The following ARHGEF19 variants were observed in gnomAD, a reference collection of about 807,000 sequenced individuals.
The protein encoded by ARHGEF19 is Rho guanine nucleotide exchange factor (GEF) 19.
Under a neutral mutation model 87.6 loss-of-function variants are expected in ARHGEF19, and 92 were observed. That is an observed-to-expected ratio of 1.05 (90% CI 0.89 to 1.25). The LOEUF is 1.25. ARHGEF19 is among the 50% of genes most tolerant of loss of function. ARHGEF19 has a pLI of 0.00. For missense variants in ARHGEF19, 1,054 were observed against 1,051.8 expected, an observed-to-expected ratio of 1.00 and a Z score of -0.03; for synonymous variants, 438 against 446.2, an observed-to-expected ratio of 0.98 and a Z score of 0.23.
At position 16,207,734 on chromosome 1, in the gene ARHGEF19, C is replaced by T; in HGVS notation, c.738G>A (p.Gly246=). The T allele has an allele frequency of 6.2e-7, 1 of 1,613,998 alleles. No homozygotes were observed. Among genetic ancestry groups the T allele is most frequent in the Middle Eastern group, 1.7e-4 (1 of 6,060 alleles). The change falls in exon 4 of 16, where the codon GGG becomes GGA. Residue 246 remains glycine, a synonymous_variant. Coordinates refer to ENST00000270747, the MANE Select transcript of ARHGEF19 (RefSeq NM_153213.5). This position sits in a 1 kb window ranked among gnomAD's most constrained non-coding sequence, Gnocchi z 4.0. The part of the protein sequence containing the change: ...GMEARSVEMS[G]DRVSRPAPGD... Reference sequence around the variant, plus strand: ...CAGGGGCTGGCCGCGACACCCGGTCCCCGCTCATCTCTACACTTCGAGCCT... The same window carrying T: ...CAGGGGCTGGCCGCGACACCCGGTCTCCGCTCATCTCTACACTTCGAGCCT...
At chr1:16,210,399 C>T (rs1333871090) in intron 1 of ARHGEF19, among the ~76,000 whole-genome samples, 1 of 152,194 alleles carries the variant, frequency 6.6e-6, no homozygotes, top group Non-Finnish European at 1.5e-5. Flanking sequence ...CAGTGCCCAG[C>T]CTGGCAGGAC....
At chr1:16,210,489 C>T (rs903549264) in intron 1 of ARHGEF19, among the ~76,000 whole-genome samples, 1 of 152,144 alleles carries the variant, frequency 6.6e-6, no homozygotes, top group African/African-American at 2.4e-5. Context: ...AACCAAGACC[C>T]CAAGACGTTC....
rs1049388702 is a variant in ARHGEF19, at chr1:16,207,496, C to T, written c.874+26G>A. The T allele has an allele frequency of 3.1e-6, 5 of 1,612,256 alleles. No individual in the cohort carries two copies. The highest frequency in any genetic ancestry group is 4.2e-6 in the Non-Finnish European group (5 of 1,178,758). On this transcript the variant is annotated intron_variant, in intron 5 of 15. Transcript: ENST00000270747. This position sits in a 1 kb window ranked among gnomAD's most constrained non-coding sequence, Gnocchi z 4.0. ...CCGCAGCCCCTTCCTCCGTTACCTC[C>T]TCCCAGGGACCCCCCTCCCACGTAC...
At position 16,206,942 on chromosome 1, in the gene ARHGEF19, G is replaced by A; in HGVS notation, c.1137+6C>T. The A allele has an allele frequency of 6.9e-7, 1 of 1,449,182 alleles. No homozygotes were observed. The highest frequency in any genetic ancestry group is 2.8e-5 in the Admixed American group (1 of 36,258). The allele number at this position is 1,449,182 out of a possible 1,614,324, so 89.8% of individuals were successfully genotyped here. A position where few individuals can be genotyped will look rare whatever the true frequency, so the allele number is the denominator to read the frequency against. ...CCCGCCCCGCCGGGTCCCCGCGCGCGCCCACCTCCTGCAGCTTGCAGTCCC... is the reference window on the plus strand; with the variant it reads ...CCCGCCCCGCCGGGTCCCCGCGCGCACCCACCTCCTGCAGCTTGCAGTCCC... On this transcript the variant is annotated splice_donor_region_variant and intron_variant, in intron 6 of 15. Coordinates refer to ENST00000270747, the MANE Select transcript of ARHGEF19 (RefSeq NM_153213.5). The surrounding 1 kb of genome is among the most constrained non-coding windows in gnomAD (Gnocchi z 4.6).
At chr1:16,199,787 C>T (rs1372107497) in intron 14 of ARHGEF19, among the ~76,000 whole-genome samples, 2 of 152,056 alleles carry the variant, frequency 1.3e-5, no homozygotes, top group Non-Finnish European at 2.9e-5. Context: ...GGTCTGGCAT[C>T]GCCCCCTGCT....
chr1:16,208,025 GC>G lies in ARHGEF19; in HGVS notation c.612del (p.Leu205CysfsTer38). ...CGCCCCAGGCGCAGAGAAGAGTGCA[GC>G]CGGGTCATCAGCTCCGATGCCGAGA... ...RRFSASELMT[R>X]LHSSLRLGRN... On this transcript the variant is annotated frameshift_variant, in exon 3 of 16. Coordinates refer to ENST00000270747, the MANE Select transcript of ARHGEF19 (RefSeq NM_153213.5). LOFTEE classifies it high-confidence loss of function. 6.2e-7 allele frequency: 1 copy of G among 1,613,588 alleles called. No individual in the cohort carries two copies. Among genetic ancestry groups the G allele is most frequent in the Non-Finnish European group, 8.5e-7 (1 of 1,180,012 alleles).
At chr1:16,212,248 C>T (rs1348306173) in intron 1 of ARHGEF19, among the ~76,000 whole-genome samples, 2 of 152,178 alleles carry the variant, frequency 1.3e-5, no homozygotes, top group Non-Finnish European at 2.9e-5. Context: ...TCCCTGCCCC[C>T]TCCCGGGTGC....
In ARHGEF19 at chr1:16,206,904, T is replaced by C. The variant is rs1414201752; in HGVS notation, c.1137+44A>G. ...CCCGCTAAGTCCCCGGACCGCGTACTCCCCGGCCCGCCCCCGCCCCGCCGG... is the reference window on the plus strand; with the variant it reads ...CCCGCTAAGTCCCCGGACCGCGTACCCCCCGGCCCGCCCCCGCCCCGCCGG... On this transcript the variant is annotated intron_variant, in intron 6 of 15. Coordinates refer to ENST00000270747, the MANE Select transcript of ARHGEF19 (RefSeq NM_153213.5). This position sits in a 1 kb window ranked among gnomAD's most constrained non-coding sequence, Gnocchi z 4.6. The C allele has an allele frequency of 8.5e-6, 12 of 1,406,742 alleles. No individual in the cohort carries two copies. The highest frequency in any genetic ancestry group is 1.0e-5 in the Non-Finnish European group (11 of 1,090,794). 87.1% of individuals were successfully genotyped at this position (1,406,742 alleles called of 1,614,324 possible).
At chr1:16,210,995 T>C (rs1569723449) in intron 1 of ARHGEF19, among the ~76,000 whole-genome samples, 3 of 151,632 alleles carry the variant, frequency 2.0e-5, no homozygotes, top group African/African-American at 4.9e-5. Context: ...TCTGGGAGGG[T>C]GGGAAGAAGG....
chr1:16,207,889 C>T lies in ARHGEF19; in HGVS notation c.694+55G>A. On this transcript the variant is annotated intron_variant, in intron 3 of 15. Coordinates refer to ENST00000270747, the MANE Select transcript of ARHGEF19 (RefSeq NM_153213.5). This position sits in a 1 kb window ranked among gnomAD's most constrained non-coding sequence, Gnocchi z 4.0. ...CGGCCGGTGAGTGGGCATCGCCCAC[C>T]CCCACCCCCACCCGGCATCTGGCTG... 1 of 1,452,140 alleles carries T rather than the reference C, an allele frequency of 6.9e-7. No homozygotes were observed. Among genetic ancestry groups the T allele is most frequent in the Non-Finnish European group, 9.5e-7 (1 of 1,052,978 alleles). 90.0% of individuals were successfully genotyped at this position (1,452,140 alleles called of 1,614,324 possible). A position where few individuals can be genotyped will look rare whatever the true frequency, so the allele number is the denominator to read the frequency against.
Position 16,207,081 on chromosome 1 carries a change from AG to A in ARHGEF19, c.1003del (p.Leu335SerfsTer36). The A allele has an allele frequency of 2.7e-6, 4 of 1,507,262 alleles. No individual in the cohort carries two copies. Among genetic ancestry groups the A allele is most frequent in the Non-Finnish European group, 3.5e-6 (4 of 1,130,628 alleles). The allele number at this position is 1,507,262 out of a possible 1,614,324, so 93.4% of individuals were successfully genotyped here. ...CGCCCGGAAGGAGCTGCTGGGGGAG[AG>A]GTTGGCCCGCGGCGGCCCCGGCCCC... is the stretch of plus-strand genomic sequence containing the variant. ...EEGPGPPRAN[L>X]SPSSSFRAQR... On this transcript the variant is annotated frameshift_variant, in exon 6 of 16. Transcript: ENST00000270747. LOFTEE classifies it high-confidence loss of function. The surrounding 1 kb of genome is among the most constrained non-coding windows in gnomAD (Gnocchi z 4.0).
At position 16,207,474 on chromosome 1, in the gene ARHGEF19, C is replaced by T. The variant is rs777917843; in HGVS notation, c.874+48G>A. ...CCCTCTTTTCCCCGTTTCCACACCG[C>T]AGCCCCTTCCTCCGTTACCTCCTCC... On this transcript the variant is annotated intron_variant, in intron 5 of 15. Transcript: ENST00000270747. This position sits in a 1 kb window ranked among gnomAD's most constrained non-coding sequence, Gnocchi z 4.0. The T allele has an allele frequency of 8.1e-6, 13 of 1,605,380 alleles. No homozygotes were observed. In the Admixed American group the frequency reaches 1.2e-4, roughly 14 times the overall value.
intron 2 of ARHGEF19, 134 bp downstream of exon 2, chr1:16,208,509 G>GT: frequency 1.6e-6 from 2 of 1,245,976 alleles, no homozygotes; most frequent in Non-Finnish European, 2.2e-6. Flanking sequence ...AGCCCCACTA[G>GT]TTTCCTTATC....
rs181467047 is a variant in ARHGEF19, at chr1:16,202,043, C to A, written c.2067-182G>T. On this transcript the variant is annotated intron_variant, in intron 13 of 15. Transcript: ENST00000270747. ...CACAACCCGGTTCCCAAGCCTGTGC[C>A]CCACCCAGCTCTGAGCATAACAGGC... 2.0e-3 allele frequency among the ~76,000 whole-genome samples: 301 copies of A among 151,038 alleles called. 1 individual carries two copies. Among genetic ancestry groups the A allele is most frequent in the African/African-American group, 7.0e-3 (290 of 41,240 alleles).
chr1:16,205,970 G>A lies in ARHGEF19; in HGVS notation c.1412C>T (p.Thr471Ile). The A allele has an allele frequency of 6.2e-7, 1 of 1,611,516 alleles. No individual in the cohort carries two copies. The highest frequency in any genetic ancestry group is 8.5e-7 in the Non-Finnish European group (1 of 1,178,966). Residue 471 changes from threonine (T) to isoleucine (I), a missense_variant, in exon 8 of 16, where the codon ACC becomes ATC. Transcript: ENST00000270747. The surrounding 1 kb of genome is among the most constrained non-coding windows in gnomAD (Gnocchi z 5.8). Reference sequence around the variant, plus strand: ...GGTGCGCTCCTGGTAGGCCTGGTTGGTGACATAGGGCAGGTAGACTCTGCG... The same window carrying A: ...GGTGCGCTCCTGGTAGGCCTGGTTGATGACATAGGGCAGGTAGACTCTGCG... The part of the protein sequence containing the change: ...AFRRVYLPYV[T>I]NQAYQERTYQ...
chr1:16,211,612 G>A (rs1034863603), intron 1 of ARHGEF19, among the ~76,000 whole-genome samples: 10 of 152,206 alleles, frequency 6.6e-5, no homozygotes, highest in African/African-American at 2.2e-4. Context: ...GAAGAAGTCA[G>A]GAGTGTGTCA....
Position 16,206,930 on chromosome 1 carries a change from G to A in ARHGEF19, c.1137+18C>T. 1 of 1,446,154 alleles carries A rather than the reference G, an allele frequency of 6.9e-7. No individual in the cohort carries two copies. The highest frequency in any genetic ancestry group is 9.0e-7 in the Non-Finnish European group (1 of 1,109,266). 89.6% of individuals were successfully genotyped at this position (1,446,154 alleles called of 1,614,324 possible). A position where few individuals can be genotyped will look rare whatever the true frequency, so the allele number is the denominator to read the frequency against. ...CCCCGGCCCGCCCCCGCCCCGCCGG[G>A]TCCCCGCGCGCGCCCACCTCCTGCA... On this transcript the variant is annotated intron_variant, in intron 6 of 15. Transcript: ENST00000270747. This position sits in a 1 kb window ranked among gnomAD's most constrained non-coding sequence, Gnocchi z 4.6.
rs1481568982 is a variant in ARHGEF19, at chr1:16,198,732, C to G, written c.2264G>C (p.Gly755Ala). The part of the protein sequence containing the change: ...RTWTSDGWLE[G>A]VRLADGEKGW... ...CTTCTCACCATCTGCCAGGCGGACC[C>G]CTTCCAGCCAGCCTAGGGACACATA... Residue 755 changes from glycine (G) to alanine (A), a missense_variant, in exon 16 of 16, where the codon GGG becomes GCG. By Grantham distance (60) the Gly-to-Ala change is moderately conservative (BLOSUM62 0). Transcript: ENST00000270747. This position sits in a 1 kb window ranked among gnomAD's most constrained non-coding sequence, Gnocchi z 4.1. 6 of 1,606,046 alleles carry G rather than the reference C, an allele frequency of 3.7e-6. No individual in the cohort carries two copies. Among genetic ancestry groups the G allele is most frequent in the Middle Eastern group, 1.7e-4 (1 of 6,000 alleles).
At position 16,205,102 on chromosome 1, in the gene ARHGEF19, G is replaced by C; in HGVS notation, c.1731C>G (p.Ile577Met). The change falls in exon 11 of 16, where the codon ATC becomes ATG. Residue 577 changes from isoleucine to methionine, a missense_variant. Coordinates refer to ENST00000270747, the MANE Select transcript of ARHGEF19 (RefSeq NM_153213.5). This position sits in a 1 kb window ranked among gnomAD's most constrained non-coding sequence, Gnocchi z 5.8. The part of the protein sequence containing the change: ...TEELIHLSKK[I>M]HFEGKIFPLI... ...AGACACACACCTTGCCCTCAAAGTG[G>C]ATCTTCTTGCTCAGGTGGATGAGTT... 6.2e-7 allele frequency: 1 copy of C among 1,604,818 alleles called. No homozygotes were observed. Among genetic ancestry groups the C allele is most frequent in the Non-Finnish European group, 8.5e-7 (1 of 1,175,790 alleles).
Sources: gnomAD v4.1 joint callset for allele counts (sites outside exome capture counted in the v4.1 genomes callset) on GRCh38, gnomAD v4.1.1 for gene constraint, Gnocchi (gnomAD v3.1) non-coding constraint, MANE v1.5 for transcripts, NCBI Gene and HGNC (gene_info 2026-07-23, HGNC 2026-07-21) for gene names.